Variants in CACNA1C observed in about 807,000 individuals in gnomAD.
CACNA1C encodes voltage-dependent L-type calcium channel subunit alpha-1C.
CACNA1C carries 30 observed loss-of-function variants against 229.0 expected under a neutral mutation model. The observed-to-expected ratio is 0.13, with a 90% confidence interval of 0.10 to 0.18. The LOEUF is 0.18. Ranked by LOEUF, CACNA1C falls within the 10% of genes least tolerant of loss-of-function variation. The probability of loss-of-function intolerance (pLI) is 1.00; values close to 1 mark genes in which losing one functional copy is unlikely to be tolerated. For synonymous variants in CACNA1C, 1,114 were observed against 1,132.5 expected (o/e 0.98, Z 0.33); for missense variants, 1,658 against 2,845.0 (o/e 0.58, Z 9.49).
intron 3 of CACNA1C, among the ~76,000 whole-genome samples, chr12:2,240,011 C>T (rs1166031143): frequency 6.6e-6 from 1 of 152,222 alleles, no homozygotes; most frequent in East Asian, 1.9e-4. Flanking sequence ...AAACAAATTT[C>T]TTTCAAACTG....
At chr12:2,577,975 T>C (rs569372768) in intron 13 of CACNA1C, among the ~76,000 whole-genome samples, 16 of 151,376 alleles carry the variant, frequency 1.1e-4, no homozygotes, top group African/African-American at 3.9e-4. Flanking sequence ...TTCACGCCAT[T>C]CTCCTGCCTC....
chr12:2,226,583 A>G (rs2063080873), intron 3 of CACNA1C, among the ~76,000 whole-genome samples: 1 of 152,226 alleles, frequency 6.6e-6, no homozygotes, highest in African/African-American at 2.4e-5. Flanking sequence ...TTAAATTACT[A>G]TTTTGTGTCA....
chr12:2,084,571 C>T (rs1595422134), intron 1 of CACNA1C, among the ~76,000 whole-genome samples: 1 of 152,186 alleles, frequency 6.6e-6, no homozygotes, highest in East Asian at 1.9e-4. Flanking sequence ...CTCTGCTGGT[C>T]AGCTTCTACT....
chr12:2,397,635 C>CA (rs1255948885), intron 3 of CACNA1C, among the ~76,000 whole-genome samples: 1 of 152,234 alleles, frequency 6.6e-6, no homozygotes, highest in Non-Finnish European at 1.5e-5. Flanking sequence ...TGGCACAAAA[C>CA]AGAGGCCCAA....
intron 10 of CACNA1C, among the ~76,000 whole-genome samples, chr12:2,551,879 G>T (rs2099904767): frequency 6.6e-6 from 1 of 152,106 alleles, no homozygotes; most frequent in African/African-American, 2.4e-5. Context: ...TCTGAAGCAG[G>T]AGCCCAGTTG....
chr12:2,593,430 A>T (rs1167642529), intron 19 of CACNA1C, 85 bp downstream of exon 19: 1 of 1,425,996 alleles, frequency 7.0e-7, no homozygotes, highest in Non-Finnish European at 9.7e-7. Context: ...GAACCTCTGG[A>T]TGGAGACTGA....
At chr12:2,343,611 A>G (rs1593417239) in intron 3 of CACNA1C, among the ~76,000 whole-genome samples, 1 of 152,218 alleles carries the variant, frequency 6.6e-6, no homozygotes, top group East Asian at 1.9e-4. Context: ...CCCTAATACC[A>G]GGACTGTGGC....
At chr12:2,342,160 G>A (rs962896526) in intron 3 of CACNA1C, among the ~76,000 whole-genome samples, 5 of 152,138 alleles carry the variant, frequency 3.3e-5, no homozygotes, top group Admixed American at 6.6e-5. Flanking sequence ...TCCCTTGAGC[G>A]GTGTCACCCG....
Position 2,566,435 on chromosome 12 carries a change from C to A in CACNA1C, c.1522C>A (p.Arg508=). The A allele has an allele frequency of 6.3e-7, 1 of 1,593,900 alleles. No individual in the cohort carries two copies. The highest frequency in any genetic ancestry group is 1.7e-5 in the Admixed American group (1 of 57,564). Residue 508 remains arginine, a synonymous_variant, in exon 12 of 47, where the codon CGG becomes AGG. Transcript: ENST00000399655. This position sits in a 1 kb window ranked among gnomAD's most constrained non-coding sequence, Gnocchi z 4.0. Reference sequence around the variant, plus strand: ...TCCCCTTTCCAGCCGCTACTGGCGCCGGTGGAATCGGTTCTGCAGAAGGAA... The same window carrying A: ...TCCCCTTTCCAGCCGCTACTGGCGCAGGTGGAATCGGTTCTGCAGAAGGAA... ...SKSKFSRYWR[R]WNRFCRRKCR...
intron 9 of CACNA1C, among the ~76,000 whole-genome samples, chr12:2,520,151 A>G (rs1162219510): frequency 6.9e-6 from 1 of 144,866 alleles, no homozygotes; most frequent in Non-Finnish European, 1.5e-5. Context: ...TCATTGACCA[A>G]TGGCCGTGTG....
intron 3 of CACNA1C, among the ~76,000 whole-genome samples, chr12:2,145,285 T>A (rs775501531): frequency 2.6e-5 from 4 of 151,320 alleles, no homozygotes; most frequent in Non-Finnish European, 5.9e-5. Context: ...AAGAGCTTCC[T>A]GCCTGAATAA....
Position 2,581,585 on chromosome 12 carries a change from C to G in CACNA1C, c.1896-5C>G, listed in dbSNP as rs1397684030. 4.5e-6 allele frequency: 7 copies of G among 1,551,664 alleles called. No homozygotes were observed. The highest frequency in any genetic ancestry group is 2.4e-5 in the East Asian group (1 of 41,300). On this transcript the variant is annotated splice_region_variant and splice_polypyrimidine_tract_variant and intron_variant, in intron 13 of 46. Coordinates refer to ENST00000399655, the MANE Select transcript of CACNA1C (RefSeq NM_000719.7). ...AGTGCTGACCTCCCTCCTGTTGGCT[C>G]TCAGGTACTGGAACTCCTTGAGCAA... is the stretch of plus-strand genomic sequence containing the variant.
At position 2,688,681 on chromosome 12, in the gene CACNA1C, G is replaced by A. The variant is rs750411964; in HGVS notation, c.6019G>A (p.Ala2007Thr). Residue 2007 changes from alanine to threonine, a missense_variant, in exon 46 of 47, where the codon GCC (alanine) becomes ACC (threonine). Physicochemically the swap from Ala to Thr is moderately conservative, Grantham distance 58 (BLOSUM62 0). Coordinates refer to ENST00000399655, the MANE Select transcript of CACNA1C (RefSeq NM_000719.7). ...ETTPGGGGSS[A>T]ARRVRPVSLM... ...CACCCCCGGTGGCGGGGGCAGCAGC[G>A]CCGCCCGGAGAGTCCGGCCCGTCTC... 6.8e-6 allele frequency: 11 copies of A among 1,612,990 alleles called. No individual in the cohort carries two copies. Among genetic ancestry groups the A allele is most frequent in the Middle Eastern group, 1.7e-4 (1 of 6,060 alleles).
chr12:2,496,621 T>C (rs1283095222), intron 7 of CACNA1C, among the ~76,000 whole-genome samples: 1 of 152,250 alleles, frequency 6.6e-6, no homozygotes, highest in Non-Finnish European at 1.5e-5. Context: ...ATTGTTAGAT[T>C]TTAAAGAGTG....
intron 1 of CACNA1C, among the ~76,000 whole-genome samples, chr12:1,994,975 T>C (rs2040443768): frequency 7.0e-6 from 1 of 143,204 alleles, no homozygotes. Flanking sequence ...CCTTCAACAT[T>C]CTAGGATCTG....
At chr12:2,450,920 G>A (rs967963444) in intron 4 of CACNA1C, among the ~76,000 whole-genome samples, 2 of 152,168 alleles carry the variant, frequency 1.3e-5, no homozygotes, top group African/African-American at 2.4e-5. Context: ...AGGAAATGAC[G>A]CAGGAGGACG....
In CACNA1C at chr12:2,669,004, G is replaced by A. The variant is rs756665881; in HGVS notation, c.4695G>A (p.Leu1565=). 6.2e-7 allele frequency: 1 copy of A among 1,613,952 alleles called. No individual in the cohort carries two copies. The highest frequency in any genetic ancestry group is 8.5e-7 in the Non-Finnish European group (1 of 1,179,826). Reference sequence around the variant, plus strand: ...TGTTCAATGCCACCCTGTTTGCCCTGGTCAGGACGGCCCTGAGGATCAAAA... The same window carrying A: ...TGTTCAATGCCACCCTGTTTGCCCTAGTCAGGACGGCCCTGAGGATCAAAA... ...TVMFNATLFA[L]VRTALRIKTE... The change falls in exon 38 of 47, where the codon CTG becomes CTA. Residue 1565 remains leucine (L), a synonymous_variant. Transcript: ENST00000399655.
Position 2,651,388 on chromosome 12 carries a change from C to T in CACNA1C, c.3946-252C>T, listed in dbSNP as rs894189271. The T allele has an allele frequency of 3.5e-5, 20 of 566,980 alleles. No homozygotes were observed. Among genetic ancestry groups the T allele is most frequent in the South Asian group, 2.0e-4 (8 of 39,802 alleles). The allele number at this position is 566,980 out of a possible 1,614,324, so 35.1% of individuals were successfully genotyped here. The stretch of plus-strand genomic sequence containing the variant: ...TTAAGAACTAGGAATGAAGGGGAAT[C>T]GGGGAGAATAAAAACACAGGACCAC... On this transcript the variant is annotated intron_variant, in intron 31 of 46. Transcript: ENST00000399655. The surrounding 1 kb of genome is among the most constrained non-coding windows in gnomAD (Gnocchi z 5.4).
chr12:1,988,207 G>A (rs960814614), intron 1 of CACNA1C, among the ~76,000 whole-genome samples: 7 of 152,128 alleles, frequency 4.6e-5, no homozygotes, highest in African/African-American at 1.4e-4. Flanking sequence ...TACAAGCTAC[G>A]TGTCCATCAT....
Sources: gnomAD v4.1 joint callset for allele counts (sites outside exome capture counted in the v4.1 genomes callset) on GRCh38, gnomAD v4.1.1 for gene constraint, Gnocchi (gnomAD v3.1) non-coding constraint, MANE v1.5 for transcripts, NCBI Gene and HGNC (gene_info 2026-07-23, HGNC 2026-07-21) for gene names.